FBXL4: variants seen among roughly 807,000 people sequenced by gnomAD.
FBXL4 encodes the protein F-box and leucine rich repeat protein 4.
FBXL4 carries 40 observed loss-of-function variants against 58.9 expected under a neutral mutation model. The observed-to-expected ratio is 0.68, with a 90% confidence interval of 0.53 to 0.88. The LOEUF (loss-of-function observed/expected upper bound fraction) is 0.88. FBXL4 is among the 40% of genes least tolerant of loss of function. The pLI is 0.00. For missense variants in FBXL4, 676 were observed against 734.4 expected (o/e 0.92, Z 0.92); for synonymous variants, 263 against 265.5 (o/e 0.99, Z 0.09).
At chr6:98,941,322 C>G (rs368344440) in intron 1 of FBXL4, among the ~76,000 whole-genome samples, 1 of 151,144 alleles carries the variant, frequency 6.6e-6, no homozygotes, top group Non-Finnish European at 1.5e-5. Context: ...GCAAAAACTA[C>G]ATATTGTATG....
intron 8 of FBXL4, among the ~76,000 whole-genome samples, chr6:98,877,864 G>T (rs551959080): frequency 1.3e-5 from 2 of 152,200 alleles, no homozygotes; most frequent in South Asian, 4.1e-4. Flanking sequence ...GAAGTAAAAA[G>T]AAATAGATAA....
chr6:98,894,915 T>C (rs1047772643), intron 7 of FBXL4, among the ~76,000 whole-genome samples: 4 of 152,162 alleles, frequency 2.6e-5, no homozygotes, highest in Non-Finnish European at 5.9e-5. Context: ...AGGCTAAAAA[T>C]TCTGAACAAC....
chr6:98,917,900 T>A (rs990998541), intron 4 of FBXL4, among the ~76,000 whole-genome samples, 181 bp from the exon 5 acceptor site: 1 of 152,144 alleles, frequency 6.6e-6, no homozygotes, highest in Non-Finnish European at 1.5e-5. Flanking sequence ...GCCACAGACC[T>A]TATTAATTTA....
intron 1 of FBXL4, among the ~76,000 whole-genome samples, chr6:98,937,295 G>A (rs1431064694): frequency 6.8e-5 from 10 of 148,050 alleles, no homozygotes; most frequent in East Asian, 2.0e-4. Flanking sequence ...GGGTGACTTC[G>A]TCTCAAAAAA....
Position 98,873,253 on chromosome 6 carries a change from CATATA to C in FBXL4, c.*1020_*1024del, listed in dbSNP as rs1359824708. ...GTATATAATATATACATGTACATTA[CATATA>C]ATATAAATGTAATATATAATTATAT... On this transcript the variant is annotated 3_prime_UTR_variant, in exon 10 of 10. Coordinates refer to ENST00000369244, the MANE Select transcript of FBXL4 (RefSeq NM_001278716.2). 2 of 146,108 alleles carry C rather than the reference CATATA, an allele frequency of 1.4e-5. No individual in the cohort carries two copies. Among genetic ancestry groups the C allele is most frequent in the East Asian group, 2.0e-4 (1 of 5,104 alleles). The allele number at this position is 146,108 out of a possible 1,614,324, so 9.1% of individuals were successfully genotyped here.
chr6:98,906,067 C>T (rs754162005), intron 5 of FBXL4, among the ~76,000 whole-genome samples: 22 of 151,612 alleles, frequency 1.5e-4, no homozygotes, highest in Non-Finnish European at 2.8e-4. Context: ...GACAATGATA[C>T]GTTTTAATAG....
intron 7 of FBXL4, chr6:98,898,345 T>C: frequency 3.0e-6 from 3 of 985,446 alleles, no homozygotes; most frequent in Non-Finnish European, 3.6e-6. Flanking sequence ...ACATACTCTT[T>C]AACCTAGCAA....
chr6:98,896,740 A>C, intron 7 of FBXL4: 1 of 906,772 alleles, frequency 1.1e-6, no homozygotes, highest in Non-Finnish European at 1.3e-6. Context: ...CAGAGGGTAC[A>C]ACCTAAATTT....
rs907922944 is a variant in FBXL4 at position 98,869,910 on chromosome 6, T to C, written c.*4368A>G. The C allele has an allele frequency of 6.6e-6, 1 of 152,220 alleles. No individual in the cohort carries two copies. The highest frequency in any genetic ancestry group is 3.2e-3 in the Middle Eastern group (1 of 316). The allele number at this position is 152,220 out of a possible 1,614,324, so 9.4% of individuals were successfully genotyped here. ...CAATTTACATTGAGAGTATTATTTA[T>C]GCTCTTAAACAGGATCAGGGATATC... On this transcript the variant is annotated 3_prime_UTR_variant, in exon 10 of 10. Transcript: ENST00000369244.
At chr6:98,882,588 A>G (rs1266988232) in intron 7 of FBXL4, among the ~76,000 whole-genome samples, 1 of 151,546 alleles carries the variant, frequency 6.6e-6, no homozygotes, top group African/African-American at 2.4e-5. Context: ...GTAGGGTCCA[A>G]AAGAATGCCC....
rs949489465 is a variant in FBXL4 at position 98,873,054 on chromosome 6, C to A, written c.*1224G>T. 1.3e-5 allele frequency: 2 copies of A among 151,900 alleles called. No homozygotes were observed. Among genetic ancestry groups the A allele is most frequent in the Admixed American group, 1.3e-4 (2 of 15,214 alleles). 9.4% of individuals were successfully genotyped at this position (151,900 alleles called of 1,614,324 possible). On this transcript the variant is annotated 3_prime_UTR_variant, in exon 10 of 10. Coordinates refer to ENST00000369244, the MANE Select transcript of FBXL4 (RefSeq NM_001278716.2). ...TTAATTCTGCTACTCAGAAAGTAGA[C>A]AGAAAATATTTTGTGGCATGAAAAG...
At chr6:98,892,757 G>A (rs1037222794) in intron 7 of FBXL4, among the ~76,000 whole-genome samples, 1 of 152,150 alleles carries the variant, frequency 6.6e-6, no homozygotes, top group African/African-American at 2.4e-5. Flanking sequence ...AACTTCTTTT[G>A]TTGTCTTCTA....
chr6:98,912,136 A>C (rs1360791869), intron 5 of FBXL4, among the ~76,000 whole-genome samples: 2 of 152,212 alleles, frequency 1.3e-5, no homozygotes, highest in East Asian at 3.8e-4. Flanking sequence ...AAAAAGAATA[A>C]AAAGAAACGG....
chr6:98,891,991 C>CACACA (rs1028520769), intron 7 of FBXL4, among the ~76,000 whole-genome samples: 4 of 152,254 alleles, frequency 2.6e-5, no homozygotes, highest in African/African-American at 9.6e-5. Context: ...TGTAACTGGA[C>CACACA]TACAGTCCAT....
chr6:98,914,383 A>C (rs1474517118), intron 5 of FBXL4, among the ~76,000 whole-genome samples: 1 of 152,338 alleles, frequency 6.6e-6, no homozygotes, highest in African/African-American at 2.4e-5. Flanking sequence ...TTTTAGACCA[A>C]TATCCTTGAT....
Position 98,913,091 on chromosome 6 carries a change from C to T in FBXL4, c.858+4283G>A, listed in dbSNP as rs375950224. Among the ~76,000 whole-genome samples, 9 of 152,098 alleles carry T rather than the reference C, an allele frequency of 5.9e-5. No individual in the cohort carries two copies. The East Asian group carries it at 9.7e-4, about 16-fold the overall frequency. Reference sequence around the variant, plus strand: ...AAAAGAGACAAAGAAGGCCATTACACAATGGTAAAGGGATCAATTCAACAA... The same window carrying T: ...AAAAGAGACAAAGAAGGCCATTACATAATGGTAAAGGGATCAATTCAACAA... On this transcript the variant is annotated intron_variant, in intron 5 of 9. Coordinates refer to ENST00000369244, the MANE Select transcript of FBXL4 (RefSeq NM_001278716.2).
chr6:98,934,992 T>G (rs779276384), intron 1 of FBXL4, 113 bp from the exon 2 acceptor site: 6 of 152,164 alleles, frequency 3.9e-5, no homozygotes, highest in Non-Finnish European at 7.3e-5. Context: ...CTGGAATACA[T>G]TAGACTGTGC....
intron 5 of FBXL4, among the ~76,000 whole-genome samples, chr6:98,910,938 G>C (rs897558237): frequency 5.3e-5 from 8 of 152,168 alleles, no homozygotes; most frequent in African/African-American, 1.9e-4. Context: ...GGAAAGGGGT[G>C]ACAGATGGCA....
chr6:98,921,382 C>T (rs763738401), intron 4 of FBXL4, among the ~76,000 whole-genome samples: 247 of 150,756 alleles, frequency 1.6e-3, no homozygotes, highest in Non-Finnish European at 2.7e-3. Context: ...TTCCTTGCAA[C>T]CAAAATTTAT....
Sources: gnomAD v4.1 joint callset for allele counts (sites outside exome capture counted in the v4.1 genomes callset) on GRCh38, gnomAD v4.1.1 for gene constraint, MANE v1.5 for transcripts, NCBI Gene and HGNC (gene_info 2026-07-23, HGNC 2026-07-21) for gene names.